Variants in THNSL1 observed in about 807,000 individuals in gnomAD.
The protein encoded by THNSL1 is threonine synthase-like 1.
THNSL1 carries 48 observed loss-of-function variants against 50.4 expected under a neutral mutation model. That is an observed-to-expected ratio of 0.95 (90% CI 0.76 to 1.21). The LOEUF (loss-of-function observed/expected upper bound fraction) is 1.21. Among genes scored for constraint, THNSL1 ranks in the 50% most tolerant of loss-of-function variants. The pLI, the probability that THNSL1 is intolerant of heterozygous loss-of-function variation, is 0.00. For synonymous variants in THNSL1, 309 were observed against 306.1 expected (o/e 1.01, Z -0.10); for missense variants, 896 against 871.7 (o/e 1.03, Z -0.35).
the THNSL1 span, among the ~76,000 whole-genome samples, chr10:24,978,795 C>T: frequency 6.6e-6 from 1 of 152,130 alleles, no homozygotes; most frequent in African/African-American, 2.4e-5. Context: ...TTTGCAGTAA[C>T]TTGAAATAGT....
intron 1 of THNSL1, among the ~76,000 whole-genome samples, chr10:25,017,068 G>T (rs188669257): frequency 1.2e-4 from 18 of 152,138 alleles, no homozygotes; most frequent in African/African-American, 4.3e-4. Flanking sequence ...CCTCCGGGTC[G>T]GCTCTGCGCC....
At position 25,025,657 on chromosome 10, in the gene THNSL1, A is replaced by T. The variant is rs1321171872; in HGVS notation, c.*202A>T. ...TTTAATCTGGAAGTGACAAAAGGTA[A>T]CACAGTGCACGGACCTTTGAGCTAT... On this transcript the variant is annotated 3_prime_UTR_variant, in exon 3 of 3. Coordinates refer to ENST00000376356, the MANE Select transcript of THNSL1 (RefSeq NM_024838.5). 6 of 585,424 alleles carry T rather than the reference A, an allele frequency of 1.0e-5. No individual in the cohort carries two copies. Among genetic ancestry groups the T allele is most frequent in the Non-Finnish European group, 1.8e-5 (6 of 328,162 alleles). The allele number at this position is 585,424 out of a possible 1,614,324, so 36.3% of individuals were successfully genotyped here. A position where few individuals can be genotyped will look rare whatever the true frequency, so the allele number is the denominator to read the frequency against.
the THNSL1 span, among the ~76,000 whole-genome samples, chr10:24,978,906 C>G: frequency 6.6e-6 from 1 of 152,226 alleles, no homozygotes; most frequent in Non-Finnish European, 1.5e-5. Flanking sequence ...AAGGCTGAGG[C>G]TCACTAAGTG....
At chr10:24,995,862 G>GT in the THNSL1 span, 19 of 1,600,806 alleles carry the variant, frequency 1.2e-5, no homozygotes, top group Non-Finnish European at 1.4e-5. Flanking sequence ...TCCGATCAAA[G>GT]TTTTTTTCTG....
At chr10:25,003,182 ATTTAT>A in the THNSL1 span, among the ~76,000 whole-genome samples, 1 of 149,302 alleles carries the variant, frequency 6.7e-6, no homozygotes, top group Non-Finnish European at 1.5e-5. Flanking sequence ...TAATTAATTA[ATTTAT>A]TTATTTATTC....
the THNSL1 span, among the ~76,000 whole-genome samples, chr10:25,011,431 C>T: frequency 1.3e-5 from 2 of 152,076 alleles, no homozygotes; most frequent in East Asian, 3.9e-4. Context: ...TTTTGCTGTG[C>T]AGAAGCTCTA....
At position 25,025,864 on chromosome 10, in the gene THNSL1, A is replaced by C; in HGVS notation, c.*409A>C. 1 of 171,780 alleles carries C rather than the reference A, an allele frequency of 5.8e-6. No individual in the cohort carries two copies. The highest frequency in any genetic ancestry group is 1.4e-5 in the Non-Finnish European group (1 of 71,270). The allele number at this position is 171,780 out of a possible 1,614,324, so 10.6% of individuals were successfully genotyped here. On this transcript the variant is annotated 3_prime_UTR_variant, in exon 3 of 3. Coordinates refer to ENST00000376356, the MANE Select transcript of THNSL1 (RefSeq NM_024838.5). ...TTAGAAAGTTAATTTACCACTCAAA[A>C]TGGCTAACTTGAATGGAGGAAGTAG...
chr10:25,010,859 G>A, the THNSL1 span, among the ~76,000 whole-genome samples: 12 of 151,480 alleles, frequency 7.9e-5, no homozygotes, highest in African/African-American at 2.2e-4. Context: ...GGACATTTGG[G>A]TTGGTTCCAA....
At chr10:25,002,664 C>T in the THNSL1 span, among the ~76,000 whole-genome samples, 3 of 152,220 alleles carry the variant, frequency 2.0e-5, no homozygotes, top group East Asian at 1.9e-4. Flanking sequence ...TCAGCTATAC[C>T]GCTTTTGTAA....
the THNSL1 span, among the ~76,000 whole-genome samples, chr10:25,006,689 G>A: frequency 6.6e-6 from 1 of 152,246 alleles, no homozygotes; most frequent in South Asian, 2.1e-4. Flanking sequence ...ACACGAAATA[G>A]TATCTGATAT....
intron 1 of THNSL1, 135 bp from the exon 2 acceptor site, chr10:25,021,607 A>G (rs886810291): frequency 6.6e-6 from 1 of 152,250 alleles, no homozygotes; most frequent in African/African-American, 2.4e-5. Flanking sequence ...AGATTTGGGG[A>G]AACATATGAA....
chr10:24,952,409 G>A, the THNSL1 span: 2 of 1,189,760 alleles, frequency 1.7e-6, no homozygotes, highest in Non-Finnish European at 2.4e-6. This position sits in a 1 kb window ranked among gnomAD's most constrained non-coding sequence, Gnocchi z 5.1. Context: ...CCGCCGGGAG[G>A]GAGAACAAAG....
At chr10:25,017,450 AAC>A (rs1037352446) in intron 1 of THNSL1, among the ~76,000 whole-genome samples, 9 of 152,054 alleles carry the variant, frequency 5.9e-5, no homozygotes, top group African/African-American at 2.2e-4. Context: ...GAGGAGAGAA[AAC>A]ACACTTGAGT....
At chr10:24,975,234 G>A in the THNSL1 span, among the ~76,000 whole-genome samples, 42 of 152,292 alleles carry the variant, frequency 2.8e-4, no homozygotes, top group Non-Finnish European at 5.1e-4. Flanking sequence ...ACAGCTCAAG[G>A]GTGGGAATTG....
chr10:24,984,286 G>C, the THNSL1 span: 1 of 1,453,648 alleles, frequency 6.9e-7, no homozygotes, highest in Non-Finnish European at 9.4e-7. Flanking sequence ...CAATGTGTTG[G>C]AGACAGTTTA....
rs139207606 is a variant in THNSL1 at position 25,025,349 on chromosome 10, TAG to T, written c.2132_2133del (p.Arg711AsnfsTer15). The stretch of plus-strand genomic sequence containing the variant: ...TTACCTCCACTGCATGAGGCTTTAT[TAG>T]AGAGAACAAAACAGCAAGAGAAGAT... On this transcript the variant is annotated frameshift_variant, in exon 3 of 3. Transcript: ENST00000376356. LOFTEE classifies it high-confidence loss of function. 1 of 1,614,200 alleles carries T rather than the reference TAG, an allele frequency of 6.2e-7. No individual in the cohort carries two copies. Among genetic ancestry groups the T allele is most frequent in the East Asian group, 2.2e-5 (1 of 44,880 alleles).
chr10:24,954,320 G>A, the THNSL1 span, among the ~76,000 whole-genome samples: 7 of 152,222 alleles, frequency 4.6e-5, no homozygotes, highest in African/African-American at 1.7e-4. Flanking sequence ...TGGGTGTGAT[G>A]TGGGTGGCTC....
At chr10:24,982,547 G>T in the THNSL1 span, 1 of 152,208 alleles carries the variant, frequency 6.6e-6, no homozygotes, top group African/African-American at 2.4e-5. Context: ...AGTGACTGCA[G>T]TCTCCATGTC....
In THNSL1 at chr10:25,026,591, T is replaced by A. The variant is rs975159475; in HGVS notation, c.*1136T>A. The A allele has an allele frequency of 6.0e-6, 1 of 165,658 alleles. No homozygotes were observed. The highest frequency in any genetic ancestry group is 2.4e-5 in the African/African-American group (1 of 41,472). 10.3% of individuals were successfully genotyped at this position (165,658 alleles called of 1,614,324 possible). A position where few individuals can be genotyped will look rare whatever the true frequency, so the allele number is the denominator to read the frequency against. On this transcript the variant is annotated 3_prime_UTR_variant, in exon 3 of 3. Transcript: ENST00000376356. ...TTTAATTTGTATTCCTTTGTAGTAATACATTTTAACCATGATTTATGTTTG... is the reference window on the plus strand; with the variant it reads ...TTTAATTTGTATTCCTTTGTAGTAAAACATTTTAACCATGATTTATGTTTG...
Sources: allele counts gnomAD v4.1 joint callset (sites outside exome capture counted in the v4.1 genomes callset), GRCh38; gene constraint gnomAD v4.1.1; non-coding constraint Gnocchi (gnomAD v3.1); transcripts MANE v1.5; gene names NCBI Gene and HGNC (gene_info 2026-07-23, HGNC 2026-07-21).